Variants in FAM169A observed in about 807,000 individuals in gnomAD.
The protein encoded by FAM169A is soluble lamin-associated protein of 75 kDa.
Under a neutral mutation model 75.7 loss-of-function variants are expected in FAM169A, and 24 were observed. That is an observed-to-expected ratio of 0.32 (90% CI 0.23 to 0.45). The LOEUF is 0.45. FAM169A is among the 20% of genes least tolerant of loss of function. The pLI is 1.00. For synonymous variants in FAM169A, 271 were observed against 271.0 expected, an observed-to-expected ratio of 1.00 and a Z score of 0.00; for missense variants, 673 against 784.0, an observed-to-expected ratio of 0.86 and a Z score of 1.69.
At chr5:74,854,101 A>T (rs1749585918) in intron 1 of FAM169A, among the ~76,000 whole-genome samples, 1 of 152,072 alleles carries the variant, frequency 6.6e-6, no homozygotes, top group Non-Finnish European at 1.5e-5. Flanking sequence ...CAGGGTAAAT[A>T]ATCATATATA....
intron 1 of FAM169A, among the ~76,000 whole-genome samples, chr5:74,858,175 C>T (rs933958341): frequency 2.0e-5 from 3 of 151,362 alleles, no homozygotes; most frequent in African/African-American, 7.3e-5. Flanking sequence ...GTCACGAGAT[C>T]AGGAGTTTGA....
At chr5:74,863,388 TATCG>T (rs1750142178) in intron 1 of FAM169A, among the ~76,000 whole-genome samples, 1 of 152,234 alleles carries the variant, frequency 6.6e-6, no homozygotes, top group Non-Finnish European at 1.5e-5. Context: ...GTGAAGAGAC[TATCG>T]TCTTAAATAC....
intron 8 of FAM169A, among the ~76,000 whole-genome samples, chr5:74,804,060 T>C (rs1034568559): frequency 3.9e-5 from 6 of 152,046 alleles, no homozygotes; most frequent in Non-Finnish European, 7.4e-5. Flanking sequence ...TTTAATGCCA[T>C]AGAAAATGCT....
At chr5:74,811,276 T>C (rs1379650975) in intron 6 of FAM169A, among the ~76,000 whole-genome samples, 2 of 152,174 alleles carry the variant, frequency 1.3e-5, no homozygotes. Context: ...AGATAGAAAT[T>C]AGCTGATAAT....
intron 1 of FAM169A, 132 bp downstream of exon 1, chr5:74,866,033 G>T: frequency 3.3e-6 from 1 of 305,754 alleles, no homozygotes; most frequent in Non-Finnish European, 4.8e-6. Flanking sequence ...CAGCCCGCAG[G>T]GGCCGCCCAC....
chr5:74,797,745 C>A (rs1267782451), intron 10 of FAM169A, among the ~76,000 whole-genome samples: 2 of 152,156 alleles, frequency 1.3e-5, no homozygotes, highest in Non-Finnish European at 2.9e-5. Flanking sequence ...TCCATCACTG[C>A]AGAAAGTTCT....
At chr5:74,793,976 C>A (rs1746117349) in intron 11 of FAM169A, among the ~76,000 whole-genome samples, 1 of 136,888 alleles carries the variant, frequency 7.3e-6, no homozygotes, top group African/African-American at 2.8e-5. Context: ...GCACTCCAGG[C>A]TGGGTGACAG....
At chr5:74,829,674 G>A (rs1218719921) in intron 5 of FAM169A, among the ~76,000 whole-genome samples, 2 of 151,908 alleles carry the variant, frequency 1.3e-5, no homozygotes, top group East Asian at 1.9e-4. Flanking sequence ...ATAATTAAAC[G>A]ACCCTTTACA....
intron 11 of FAM169A, among the ~76,000 whole-genome samples, chr5:74,794,644 T>A (rs1166820555): frequency 6.6e-6 from 1 of 151,350 alleles, no homozygotes; most frequent in African/African-American, 2.4e-5. Context: ...CCGGGCGTTG[T>A]GGCGTGTGCC....
At position 74,854,007 on chromosome 5, in the gene FAM169A, A is replaced by T. The variant is rs1314861823; in HGVS notation, c.-4+12158T>A. Among the ~76,000 whole-genome samples the T allele has an allele frequency of 3.3e-5, 5 of 152,098 alleles. No individual in the cohort carries two copies. In the East Asian group the frequency reaches 9.6e-4, roughly 29 times the overall value. ...CCTACCCAATATATCTTTTATTTTT[A>T]ATTTTTGTGGGTACCTAGCAGTGTA... is the stretch of plus-strand genomic sequence containing the variant. On this transcript the variant is annotated intron_variant, in intron 1 of 12. Transcript: ENST00000687041.
At chr5:74,820,205 A>C (rs1279775651) in intron 5 of FAM169A, among the ~76,000 whole-genome samples, 2 of 152,038 alleles carry the variant, frequency 1.3e-5, no homozygotes, top group Non-Finnish European at 2.9e-5. Context: ...TGTGTTGGCC[A>C]GGCTGGCCTC....
intron 5 of FAM169A, among the ~76,000 whole-genome samples, chr5:74,827,829 A>G (rs1321481865): frequency 6.7e-6 from 1 of 149,530 alleles, no homozygotes; most frequent in Non-Finnish European, 1.5e-5. Flanking sequence ...TGCCCGGCTA[A>G]TTTTTGTATT....
intron 10 of FAM169A, 79 bp from the exon 11 acceptor site, chr5:74,796,265 A>G: frequency 7.6e-7 from 1 of 1,309,754 alleles, no homozygotes; most frequent in Non-Finnish European, 1.0e-6. Flanking sequence ...TCTTAAAGTA[A>G]CATTTTAGAG....
intron 11 of FAM169A, among the ~76,000 whole-genome samples, chr5:74,794,002 CAAAAA>C (rs1276485325): frequency 2.0e-5 from 1 of 50,740 alleles, no homozygotes. Context: ...GACTCCATCT[CAAAAA>C]AAAAAAAAAA....
At chr5:74,834,232 G>GT (rs1334591171) in intron 5 of FAM169A, among the ~76,000 whole-genome samples, 194 bp downstream of exon 5, 5 of 152,102 alleles carry the variant, frequency 3.3e-5, no homozygotes, top group Non-Finnish European at 7.4e-5. Context: ...TTTTTATTTT[G>GT]TTTTTTCAAA....
chr5:74,788,381 G>A (rs896009485), intron 11 of FAM169A, among the ~76,000 whole-genome samples: 4 of 152,180 alleles, frequency 2.6e-5, no homozygotes, highest in Non-Finnish European at 5.9e-5. Flanking sequence ...CAGGCCAAAT[G>A]GAAACCATTA....
At chr5:74,831,715 A>G (rs778585706) in intron 5 of FAM169A, among the ~76,000 whole-genome samples, 1 of 152,104 alleles carries the variant, frequency 6.6e-6, no homozygotes. Flanking sequence ...TGTATTTTCA[A>G]ATTTCTTATG....
intron 5 of FAM169A, among the ~76,000 whole-genome samples, chr5:74,815,648 C>T (rs1747432677): frequency 6.6e-6 from 1 of 152,136 alleles, no homozygotes; most frequent in South Asian, 2.1e-4. Flanking sequence ...GGGTTGCATT[C>T]CCAGACAGTT....
At chr5:74,830,399 A>T (rs1033945527) in intron 5 of FAM169A, among the ~76,000 whole-genome samples, 1 of 152,184 alleles carries the variant, frequency 6.6e-6, no homozygotes, top group South Asian at 2.1e-4. Context: ...ACCAAACTTG[A>T]TAAGTAGAGG....
Sources: gnomAD v4.1 joint callset for allele counts (sites outside exome capture counted in the v4.1 genomes callset) on GRCh38, gnomAD v4.1.1 for gene constraint, MANE v1.5 for transcripts, NCBI Gene and HGNC (gene_info 2026-07-23, HGNC 2026-07-21) for gene names.